Variants in ZNF862 observed in about 807,000 individuals in gnomAD.
ZNF862 encodes the protein zinc finger protein 862.
ZNF862 carries 64 observed loss-of-function variants against 91.1 expected under a neutral mutation model. That is an observed-to-expected ratio of 0.70 (90% confidence interval 0.57 to 0.87). The LOEUF is 0.87. Among genes scored for constraint, ZNF862 ranks in the 40% least tolerant of loss-of-function variants. The pLI, the probability that ZNF862 is intolerant of heterozygous loss-of-function variation, is 0.00. For missense variants in ZNF862, 1,459 were observed against 1,528.0 expected (o/e 0.95, Z 0.75); for synonymous variants, 631 against 618.1 (o/e 1.02, Z -0.31).
rs1801600488 is a variant in ZNF862 at position 149,838,626 on chromosome 7, G to C, written c.15G>C (p.Glu5Asp). 1 of 1,228,414 alleles carries C rather than the reference G, an allele frequency of 8.1e-7. No individual in the cohort carries two copies. Among genetic ancestry groups the C allele is most frequent in the African/African-American group, 1.6e-5 (1 of 64,256 alleles). The allele number at this position is 1,228,414 out of a possible 1,614,324, so 76.1% of individuals were successfully genotyped here. A position where few individuals can be genotyped will look rare whatever the true frequency, so the allele number is the denominator to read the frequency against. The part of the protein sequence containing the change: MEPR[E>D]SGKAPVTFDD... ...AAAGCGGGGCCATGGAGCCCAGAGAGTCGGGGAAGGTAGGACTGGAAGGCC... is the reference window on the plus strand; with the variant it reads ...AAAGCGGGGCCATGGAGCCCAGAGACTCGGGGAAGGTAGGACTGGAAGGCC... The change falls in exon 1 of 8, where the codon GAG (glutamate) becomes GAC (aspartate). Residue 5 changes from glutamate to aspartate, a missense_variant. By Grantham distance (45) the Glu-to-Asp change is conservative (BLOSUM62 2). Coordinates refer to ENST00000223210, the MANE Select transcript of ZNF862 (RefSeq NM_001099220.3).
In ZNF862 at chr7:149,855,420, A is replaced by T. The variant is rs1369387834; in HGVS notation, c.1118-4002A>T. 6.6e-6 allele frequency among the ~76,000 whole-genome samples: 1 copy of T among 152,196 alleles called. No homozygotes were observed. Among genetic ancestry groups the T allele is most frequent in the Non-Finnish European group, 1.5e-5 (1 of 68,028 alleles). ...TAGAATCTGGACCCATGCCATAGGA[A>T]GAAAGGGGCTCCTCTTCTCCCACCC... On this transcript the variant is annotated intron_variant, in intron 5 of 7. Coordinates refer to ENST00000223210, the MANE Select transcript of ZNF862 (RefSeq NM_001099220.3). This position sits in a 1 kb window ranked among gnomAD's most constrained non-coding sequence, Gnocchi z 4.1.
Position 149,860,461 on chromosome 7 carries a change from C to T in ZNF862, c.1301C>T (p.Pro434Leu), listed in dbSNP as rs1802426261. 1 of 1,613,982 alleles carries T rather than the reference C, an allele frequency of 6.2e-7. No individual in the cohort carries two copies. The highest frequency in any genetic ancestry group is 8.5e-7 in the Non-Finnish European group (1 of 1,179,900). The change falls in exon 7 of 8, where the codon CCC becomes CTC. Residue 434 changes from proline (P) to leucine (L), a missense_variant. By Grantham distance (98) the Pro-to-Leu change is moderately conservative. Coordinates refer to ENST00000223210, the MANE Select transcript of ZNF862 (RefSeq NM_001099220.3). ...AADSALLPGS[P>L]VEARASCCSS... is the part of the protein sequence containing the mutation. ...GACTCCGCGTTGCTTCCAGGCTCTC[C>T]CGTGGAGGCCCGTGCCTCCTGCTGC...
At chr7:149,845,571 T>C (rs1054945357) in intron 2 of ZNF862, among the ~76,000 whole-genome samples, 8 of 152,252 alleles carry the variant, frequency 5.3e-5, no homozygotes, top group Admixed American at 5.2e-4. Context: ...ATGGGCCAGA[T>C]ATGGCTCACT....
intron 7 of ZNF862, 71 bp from the exon 8 acceptor site, chr7:149,864,038 C>T (rs1802618821): frequency 6.7e-7 from 1 of 1,489,950 alleles, no homozygotes. Context: ...CAAACAGCCC[C>T]TGGGCGAAGC....
rs1801937398 is a variant in ZNF862, at chr7:149,848,048, C to T, written c.555C>T (p.Phe185=). The T allele has an allele frequency of 1.2e-6, 2 of 1,613,892 alleles. No homozygotes were observed. The highest frequency in any genetic ancestry group is 2.7e-5 in the African/African-American group (2 of 74,950). ...SRLIEGYTGP[F]KVETLKYHAK... ...TAATAGAAGGTTATACAGGACCATT[C>T]AAGGTGGAGACTCTCAAATACCACG... Residue 185 remains phenylalanine (F), a synonymous_variant, in exon 4 of 8, where the codon TTC becomes TTT. Transcript: ENST00000223210.
intron 3 of ZNF862, 86 bp from the exon 4 acceptor site, chr7:149,847,649 A>C: frequency 1.2e-6 from 1 of 817,746 alleles, no homozygotes; most frequent in South Asian, 1.8e-5. Context: ...CGTCTTTCAT[A>C]TTTGGTGTAC....
At chr7:149,852,986 G>A (rs77457248) in intron 5 of ZNF862, among the ~76,000 whole-genome samples, 2,528 of 152,274 alleles carry the variant, frequency 0.017, 62 homozygotes, top group African/African-American at 0.056. Context: ...AGGGGAGTTC[G>A]AGTCCCCCAG....
chr7:149,847,793 T>A lies in ZNF862; in HGVS notation c.300T>A (p.Ser100Arg). 1 of 1,612,830 alleles carries A rather than the reference T, an allele frequency of 6.2e-7. No individual in the cohort carries two copies. The change falls in exon 4 of 8, where the codon AGT becomes AGA. Residue 100 changes from serine (S) to arginine (R), a missense_variant. Coordinates refer to ENST00000223210, the MANE Select transcript of ZNF862 (RefSeq NM_001099220.3). ...EMEVQGPTRE[S>R]GQSLPPQKKA... is the part of the protein sequence containing the mutation. ...AGGTGCAAGGTCCCACCAGGGAGAG[T>A]GGACAGTCCCTCCCGCCTCAGAAGA...
At chr7:149,843,621 G>A (rs568761776) in intron 1 of ZNF862, among the ~76,000 whole-genome samples, 47 of 152,066 alleles carry the variant, frequency 3.1e-4, no homozygotes, top group African/African-American at 1.1e-3. Context: ...TCCTTTCCCC[G>A]AGTGTCTGGT....
intron 1 of ZNF862, chr7:149,841,265 C>T: frequency 2.0e-6 from 2 of 985,416 alleles, no homozygotes; most frequent in Non-Finnish European, 2.4e-6. Flanking sequence ...TATTACTAGA[C>T]TCTTCCTTGG....
In ZNF862 at chr7:149,850,501, C is replaced by T; in HGVS notation, c.1117+163C>T. 1.4e-6 allele frequency: 1 copy of T among 695,942 alleles called. No individual in the cohort carries two copies. The highest frequency in any genetic ancestry group is 2.0e-5 in the South Asian group (1 of 50,284). 43.1% of individuals were successfully genotyped at this position (695,942 alleles called of 1,614,324 possible). Reference sequence around the variant, plus strand: ...CTCATAACTCCCCTGCTTGGGGTAACTGTGCTTTATCACCTTCTCATCCAC... The same window carrying T: ...CTCATAACTCCCCTGCTTGGGGTAATTGTGCTTTATCACCTTCTCATCCAC... On this transcript the variant is annotated intron_variant, in intron 5 of 7. Coordinates refer to ENST00000223210, the MANE Select transcript of ZNF862 (RefSeq NM_001099220.3). The surrounding 1 kb of genome is among the most constrained non-coding windows in gnomAD (Gnocchi z 4.2).
At chr7:149,849,350 C>T (rs1383574184) in intron 4 of ZNF862, among the ~76,000 whole-genome samples, 1 of 152,182 alleles carries the variant, frequency 6.6e-6, no homozygotes, top group Non-Finnish European at 1.5e-5. Flanking sequence ...CCTTCCACTC[C>T]CCGCAGCACT....
Position 149,860,830 on chromosome 7 carries a change from ACTTTTTCAATGCCGCC to A in ZNF862, c.1671_1686del (p.Phe558ThrfsTer10). ...AGCGACCTCATGGCCAACATGGAGC[ACTTTTTCAATGCCGCC>A]TACTCCATTGCATACCACTCAAGGC... On this transcript the variant is annotated frameshift_variant, in exon 7 of 8. Transcript: ENST00000223210. LOFTEE classifies it high-confidence loss of function. The A allele has an allele frequency of 6.2e-7, 1 of 1,613,746 alleles. No homozygotes were observed. The highest frequency in any genetic ancestry group is 1.1e-5 in the South Asian group (1 of 91,082).
intron 1 of ZNF862, among the ~76,000 whole-genome samples, chr7:149,840,187 TAAAAAAAA>T (rs60721842): frequency 0.011 from 471 of 41,276 alleles, 1 homozygote; most frequent in African/African-American, 0.033. Context: ...GCTTAAAAAG[TAAAAAAAA>T]AAAAAAAAAA....
chr7:149,860,967 A>T lies in ZNF862; in HGVS notation c.1807A>T (p.Ile603Phe). 6.2e-7 allele frequency: 1 copy of T among 1,613,634 alleles called. No individual in the cohort carries two copies. ...CAATCGCACGGCGTGCACTCAGTTC[A>T]TCAAGTACATCTCAGAGACCCTGAA... ...YRNRTACTQF[I>F]KYISETLKRE... Residue 603 changes from isoleucine (I) to phenylalanine (F), a missense_variant, in exon 7 of 8, where the codon ATC becomes TTC. Physicochemically the swap from Ile to Phe is conservative, Grantham distance 21. Coordinates refer to ENST00000223210, the MANE Select transcript of ZNF862 (RefSeq NM_001099220.3).
At position 149,850,305 on chromosome 7, in the gene ZNF862, A is replaced by G. The variant is rs1166300027; in HGVS notation, c.1084A>G (p.Met362Val). The G allele has an allele frequency of 2.5e-6, 4 of 1,613,324 alleles. No homozygotes were observed. The East Asian group carries it at 6.7e-5, about 27-fold the overall frequency. Reference sequence around the variant, plus strand: ...GCAGAAGGAGCTGTACAGAGACGTGATGCGGATGAACTACGAGCTGTTGGC... The same window carrying G: ...GCAGAAGGAGCTGTACAGAGACGTGGTGCGGATGAACTACGAGCTGTTGGC... ...KRQKELYRDV[M>V]RMNYELLASL... The change falls in exon 5 of 8, where the codon ATG becomes GTG. Residue 362 changes from methionine to valine, a missense_variant. Met to Val is a conservative substitution (Grantham distance 21, BLOSUM62 1). Transcript: ENST00000223210. The surrounding 1 kb of genome is among the most constrained non-coding windows in gnomAD (Gnocchi z 4.2).
intron 7 of ZNF862, 46 bp from the exon 8 acceptor site, chr7:149,864,063 G>A (rs778201749): frequency 2.3e-5 from 35 of 1,525,036 alleles, no homozygotes; most frequent in Non-Finnish European, 1.9e-5. Context: ...TGTGGAAGGC[G>A]GTCACTGTCA....
rs753141027 is a variant in ZNF862, at chr7:149,859,422, G to A, written c.1118G>A (p.Gly373Glu). The A allele has an allele frequency of 5.7e-6, 9 of 1,569,352 alleles. No individual in the cohort carries two copies. The highest frequency in any genetic ancestry group is 7.8e-6 in the Non-Finnish European group (9 of 1,156,878). Reference sequence around the variant, plus strand: ...GCATGATTCTTCATCCTTACAACAGGACCTGCCGCTGCCAAGCCAGACTTG... The same window carrying A: ...GCATGATTCTTCATCCTTACAACAGAACCTGCCGCTGCCAAGCCAGACTTG... ...RMNYELLASL[G>E]PAAAKPDLIS... Residue 373 changes from glycine (G) to glutamate (E), a missense_variant and splice_region_variant, in exon 6 of 8, where the codon GGA becomes GAA. By Grantham distance (98) the Gly-to-Glu change is moderately conservative. Coordinates refer to ENST00000223210, the MANE Select transcript of ZNF862 (RefSeq NM_001099220.3).
intron 4 of ZNF862, among the ~76,000 whole-genome samples, chr7:149,849,593 T>A (rs1264302748): frequency 6.6e-6 from 1 of 152,252 alleles, no homozygotes; most frequent in Admixed American, 6.5e-5. Flanking sequence ...CAGTTCAACT[T>A]CGTAAACTCT....
Sources: gnomAD v4.1 joint callset for allele counts (sites outside exome capture counted in the v4.1 genomes callset) on GRCh38, gnomAD v4.1.1 for gene constraint, Gnocchi (gnomAD v3.1) non-coding constraint, MANE v1.5 for transcripts, NCBI Gene and HGNC (gene_info 2026-07-23, HGNC 2026-07-21) for gene names.